The following PDZRN4 variants were observed in gnomAD, a reference collection of about 807,000 sequenced individuals.
PDZRN4 encodes PDZ domain-containing RING finger protein 4.
A neutral mutation model predicts 99.0 loss-of-function variants in PDZRN4; 70 were observed. That is an observed-to-expected ratio of 0.71 (90% CI 0.58 to 0.86). The LOEUF (loss-of-function observed/expected upper bound fraction) is 0.86. Ranked by LOEUF, PDZRN4 falls within the 40% of genes least tolerant of loss-of-function variation. The pLI is 0.00. For synonymous variants in PDZRN4, 551 were observed against 501.6 expected, an observed-to-expected ratio of 1.10 and a Z score of -1.32; for missense variants, 1,474 against 1,331.2, an observed-to-expected ratio of 1.11 and a Z score of -1.67.
At chr12:41,375,745 T>TTGTGTG (rs924177659) in intron 3 of PDZRN4, among the ~76,000 whole-genome samples, 1 of 151,482 alleles carries the variant, frequency 6.6e-6, no homozygotes. Context: ...TTTTGTGTGT[T>TTGTGTG]TGTGTGTGTG....
At chr12:41,490,762 C>G (rs189428700) in intron 3 of PDZRN4, among the ~76,000 whole-genome samples, 1 of 152,148 alleles carries the variant, frequency 6.6e-6, no homozygotes, top group Non-Finnish European at 1.5e-5. Context: ...GGGGATCTCA[C>G]TTTGTCACCC....
At chr12:41,190,575 C>T (rs1950730164) in intron 1 of PDZRN4, among the ~76,000 whole-genome samples, 1 of 152,194 alleles carries the variant, frequency 6.6e-6, no homozygotes, top group Non-Finnish European at 1.5e-5. Context: ...TCTATGTGTT[C>T]CTCAGAAGTG....
At chr12:41,498,777 T>A (rs1055143183) in intron 3 of PDZRN4, among the ~76,000 whole-genome samples, 2 of 152,128 alleles carry the variant, frequency 1.3e-5, no homozygotes, top group Non-Finnish European at 2.9e-5. Flanking sequence ...TGTTCTATGA[T>A]CTCAATAAAA....
chr12:41,313,817 A>G (rs568747078), intron 3 of PDZRN4, among the ~76,000 whole-genome samples: 1 of 152,282 alleles, frequency 6.6e-6, no homozygotes, highest in East Asian at 1.9e-4. Flanking sequence ...GTGATTTTTG[A>G]CACAATGAAT....
chr12:41,362,950 T>C (rs1203195350), intron 3 of PDZRN4, among the ~76,000 whole-genome samples: 1 of 152,104 alleles, frequency 6.6e-6, no homozygotes, highest in Non-Finnish European at 1.5e-5. Flanking sequence ...GATGTATATG[T>C]TCTGTTCTTT....
Position 41,325,982 on chromosome 12 carries a change from CT to C in PDZRN4, c.843+131795del, listed in dbSNP as rs956244337. On this transcript the variant is annotated intron_variant, in intron 3 of 9. Coordinates refer to ENST00000402685, the MANE Select transcript of PDZRN4 (RefSeq NM_001164595.2). Reference sequence around the variant, plus strand: ...CAACAGTGCTTTCGATGTTTCTCTTCTCTTTTTTTTTCTTGTTTTTGAGACA... The same window carrying C: ...CAACAGTGCTTTCGATGTTTCTCTTCCTTTTTTTTTCTTGTTTTTGAGACA... 4.6e-5 allele frequency among the ~76,000 whole-genome samples: 7 copies of C among 151,912 alleles called. 1 individual carries two copies. In the South Asian group the frequency reaches 8.3e-4, roughly 18 times the overall value.
intron 3 of PDZRN4, among the ~76,000 whole-genome samples, chr12:41,417,078 T>C (rs778600471): frequency 1.3e-5 from 2 of 152,236 alleles, no homozygotes; most frequent in Non-Finnish European, 2.9e-5. Flanking sequence ...AGATTTGGAA[T>C]GTTCAGAAGA....
chr12:41,335,733 T>TA lies in PDZRN4; in HGVS notation c.843+141546dup, dbSNP rs372892378. Among the ~76,000 whole-genome samples, 99 of 152,222 alleles carry TA rather than the reference T, an allele frequency of 6.5e-4. 1 individual carries two copies. The highest frequency in any genetic ancestry group is 2.3e-3 in the African/African-American group (97 of 41,552). On this transcript the variant is annotated intron_variant, in intron 3 of 9. Coordinates refer to ENST00000402685, the MANE Select transcript of PDZRN4 (RefSeq NM_001164595.2). ...GTCACAATATTCAGGAAAAAACACA[T>TA]AGAGTTAATATGTCCAAGGTGTATA...
At chr12:41,426,237 T>C (rs762956429) in intron 3 of PDZRN4, among the ~76,000 whole-genome samples, 4 of 152,186 alleles carry the variant, frequency 2.6e-5, no homozygotes, top group Non-Finnish European at 5.9e-5. Flanking sequence ...GCTGGGCCAA[T>C]TGCTGTCCCA....
At chr12:41,367,725 G>C (rs1399048757) in intron 3 of PDZRN4, among the ~76,000 whole-genome samples, 1 of 151,850 alleles carries the variant, frequency 6.6e-6, no homozygotes, top group Non-Finnish European at 1.5e-5. Flanking sequence ...AATTCAAATA[G>C]TTTACTATTT....
chr12:41,390,579 T>TAAAAAAAA (rs1555138907), intron 3 of PDZRN4, among the ~76,000 whole-genome samples: 14 of 95,380 alleles, frequency 1.5e-4, no homozygotes, highest in Middle Eastern at 4.6e-3. Context: ...AAAAAAAAAG[T>TAAAAAAAA]AAAAGCTTTT....
intron 7 of PDZRN4, among the ~76,000 whole-genome samples, chr12:41,559,068 A>C (rs1939219620): frequency 6.6e-6 from 1 of 152,152 alleles, no homozygotes; most frequent in African/African-American, 2.4e-5. Context: ...CATTTGACCT[A>C]AGTAAAGTAT....
intron 3 of PDZRN4, among the ~76,000 whole-genome samples, chr12:41,321,253 G>A (rs1951675615): frequency 6.6e-6 from 1 of 152,136 alleles, no homozygotes; most frequent in Admixed American, 6.5e-5. Flanking sequence ...GGTCGGTCAT[G>A]GGAAAGTGGT....
chr12:41,492,978 C>T (rs1222193049), intron 3 of PDZRN4, among the ~76,000 whole-genome samples: 1 of 152,060 alleles, frequency 6.6e-6, no homozygotes, highest in Non-Finnish European at 1.5e-5. Flanking sequence ...TATTTATTAC[C>T]AGAGGAAAAT....
intron 3 of PDZRN4, among the ~76,000 whole-genome samples, chr12:41,447,545 G>A (rs7979435): frequency 0.017 from 2,634 of 152,024 alleles, 52 homozygotes; most frequent in East Asian, 0.092. Context: ...GTTTTTTTGA[G>A]GATTAAATGA....
intron 3 of PDZRN4, among the ~76,000 whole-genome samples, chr12:41,297,061 G>A (rs1177401647): frequency 6.6e-6 from 1 of 152,204 alleles, no homozygotes; most frequent in African/African-American, 2.4e-5. Context: ...AGGATGTTCA[G>A]TTTCTTAGGG....
At chr12:41,410,983 A>G (rs1952393908) in intron 3 of PDZRN4, among the ~76,000 whole-genome samples, 1 of 151,846 alleles carries the variant, frequency 6.6e-6, no homozygotes, top group Non-Finnish European at 1.5e-5. Context: ...GGTTCAACCA[A>G]TCCTCCCATC....
chr12:41,361,863 A>C (rs1951965600), intron 3 of PDZRN4, among the ~76,000 whole-genome samples: 1 of 152,066 alleles, frequency 6.6e-6, no homozygotes. Context: ...CTCTGATGTC[A>C]GAACCTCCAT....
At chr12:41,377,799 T>C (rs1444698406) in intron 3 of PDZRN4, among the ~76,000 whole-genome samples, 2 of 152,232 alleles carry the variant, frequency 1.3e-5, no homozygotes, top group African/African-American at 4.8e-5. Flanking sequence ...ATTGTTAGTA[T>C]ACAGAACTCT....
Sources: gnomAD v4.1 joint callset for allele counts (sites outside exome capture counted in the v4.1 genomes callset) on GRCh38, gnomAD v4.1.1 for gene constraint, MANE v1.5 for transcripts, NCBI Gene and HGNC (gene_info 2026-07-23, HGNC 2026-07-21) for gene names.